CALCRL: variants seen among roughly 807,000 people sequenced by gnomAD.
CALCRL encodes the protein calcitonin gene-related peptide type 1 receptor.
Under a neutral mutation model 60.4 loss-of-function variants are expected in CALCRL, and 27 were observed. The ratio of observed to expected loss-of-function variants is 0.45; its 90% CI spans 0.33 to 0.62. The LOEUF (loss-of-function observed/expected upper bound fraction) is 0.62. Ranked by LOEUF, CALCRL falls within the 20% of genes least tolerant of loss-of-function variation. The pLI is 0.03. For synonymous variants in CALCRL, 190 were observed against 182.6 expected (o/e 1.04, Z -0.33); for missense variants, 424 against 540.7 (o/e 0.78, Z 2.14).
chr2:187,371,004 A>T (rs1401184600), intron 8 of CALCRL, among the ~76,000 whole-genome samples: 1 of 152,174 alleles, frequency 6.6e-6, no homozygotes, highest in Non-Finnish European at 1.5e-5. Context: ...GCATTTTGGG[A>T]GGCCAAGGCG....
At chr2:187,438,762 A>G (rs898475698) in intron 1 of CALCRL, among the ~76,000 whole-genome samples, 3 of 152,206 alleles carry the variant, frequency 2.0e-5, no homozygotes, top group African/African-American at 7.2e-5. Context: ...GTGAAAGGTC[A>G]TTCCTTGGAA....
At chr2:187,411,724 A>G (rs189722007) in intron 1 of CALCRL, among the ~76,000 whole-genome samples, 53 of 151,984 alleles carry the variant, frequency 3.5e-4, no homozygotes, top group African/African-American at 1.3e-3. Flanking sequence ...TAGTAAAAAG[A>G]ATTACATCCT....
At chr2:187,428,535 T>C (rs1690250286) in intron 1 of CALCRL, 1 of 152,242 alleles carries the variant, frequency 6.6e-6, no homozygotes, top group Non-Finnish European at 1.5e-5. Context: ...GACAGTGTGC[T>C]ATAAAATTTT....
intron 1 of CALCRL, among the ~76,000 whole-genome samples, chr2:187,412,253 C>G (rs536152752): frequency 6.6e-6 from 1 of 152,200 alleles, no homozygotes; most frequent in East Asian, 1.9e-4. Flanking sequence ...GTCAGGATAG[C>G]TTGAACGGGT....
chr2:187,407,755 G>A (rs886876903), intron 1 of CALCRL, among the ~76,000 whole-genome samples: 2 of 151,972 alleles, frequency 1.3e-5, no homozygotes, highest in Non-Finnish European at 2.9e-5. Flanking sequence ...TACATATTTA[G>A]GTAACATATT....
intron 12 of CALCRL, among the ~76,000 whole-genome samples, chr2:187,354,361 A>G (rs1686674720): frequency 6.6e-6 from 1 of 151,980 alleles, no homozygotes; most frequent in African/African-American, 2.4e-5. Flanking sequence ...TCACCTAAAT[A>G]TCTGTCACTG....
At chr2:187,365,534 A>T (rs188791845) in intron 8 of CALCRL, among the ~76,000 whole-genome samples, 98 of 152,316 alleles carry the variant, frequency 6.4e-4, no homozygotes, top group Non-Finnish European at 1.0e-3. Context: ...TGCTGAGCAC[A>T]CATATATCTA....
At chr2:187,394,796 T>A (rs1688591074) in intron 1 of CALCRL, among the ~76,000 whole-genome samples, 1 of 152,030 alleles carries the variant, frequency 6.6e-6, no homozygotes, top group African/African-American at 2.4e-5. Context: ...AACATATCTT[T>A]AATGCCAGTT....
chr2:187,359,039 A>G, intron 12 of CALCRL, 24 bp downstream of exon 12: 2 of 1,578,644 alleles, frequency 1.3e-6, no homozygotes, highest in Non-Finnish European at 1.7e-6. Context: ...AGCAATGATA[A>G]GGAAAGGAGA....
intron 1 of CALCRL, among the ~76,000 whole-genome samples, chr2:187,390,258 T>C (rs943815312): frequency 5.3e-5 from 8 of 152,162 alleles, no homozygotes; most frequent in Non-Finnish European, 7.4e-5. Context: ...TAGGGCACTG[T>C]AGTACATATT....
At chr2:187,391,115 G>A (rs1688423210) in intron 1 of CALCRL, among the ~76,000 whole-genome samples, 1 of 152,074 alleles carries the variant, frequency 6.6e-6, no homozygotes, top group Non-Finnish European at 1.5e-5. Context: ...CTCTCATACT[G>A]GGAGATGAAA....
intron 1 of CALCRL, among the ~76,000 whole-genome samples, chr2:187,405,419 G>C (rs1574284199): frequency 6.6e-6 from 1 of 151,904 alleles, no homozygotes; most frequent in East Asian, 1.9e-4. Flanking sequence ...AATTGTCTCT[G>C]TATGCATAAC....
At chr2:187,424,023 G>T (rs2105878798) in intron 1 of CALCRL, among the ~76,000 whole-genome samples, 1 of 152,094 alleles carries the variant, frequency 6.6e-6, no homozygotes, top group Admixed American at 6.6e-5. Context: ...TTAGGTGTTG[G>T]TTACCCAATT....
chr2:187,448,066 G>C lies in CALCRL; in HGVS notation c.-320C>G, dbSNP rs1337556266. The stretch of plus-strand genomic sequence containing the variant: ...AGTCCAGCTCTTAAGGAAATTCTTT[G>C]TGAAATATTCTCAGGATGGAACTTT... On this transcript the variant is annotated 5_prime_UTR_variant, in exon 1 of 15. Transcript: ENST00000392370. 6.6e-6 allele frequency: 1 copy of C among 152,038 alleles called. No homozygotes were observed. The highest frequency in any genetic ancestry group is 2.4e-5 in the African/African-American group (1 of 41,412). The allele number at this position is 152,038 out of a possible 1,614,324, so 9.4% of individuals were successfully genotyped here.
At chr2:187,346,837 C>G (rs1173880636) in intron 14 of CALCRL, among the ~76,000 whole-genome samples, 1 of 107,822 alleles carries the variant, frequency 9.3e-6, no homozygotes, top group Non-Finnish European at 2.2e-5. Context: ...ACGAAGAATA[C>G]AAATCAGCAG....
At chr2:187,386,038 A>C (rs1255438748) in intron 3 of CALCRL, among the ~76,000 whole-genome samples, 1 of 152,106 alleles carries the variant, frequency 6.6e-6, no homozygotes, top group Non-Finnish European at 1.5e-5. Context: ...TTATGGTGTC[A>C]AATGTTTAAG....
At position 187,342,542 on chromosome 2, in the gene CALCRL, C is replaced by A. The variant is rs762016684; in HGVS notation, c.*3642G>T. On this transcript the variant is annotated 3_prime_UTR_variant, in exon 15 of 15. Transcript: ENST00000392370. ...AATAGGCCAAACCTTATTAAACTAG[C>A]AATATTTTTAATCAAGAATATTCTT... Among the ~76,000 whole-genome samples the A allele has an allele frequency of 6.6e-6, 1 of 151,298 alleles. No homozygotes were observed. The highest frequency in any genetic ancestry group is 1.5e-5 in the Non-Finnish European group (1 of 67,548).
chr2:187,430,425 G>T (rs1690349903), intron 1 of CALCRL, among the ~76,000 whole-genome samples: 1 of 152,122 alleles, frequency 6.6e-6, no homozygotes, highest in South Asian at 2.1e-4. Flanking sequence ...ATACATTATT[G>T]AATTGTCAAA....
intron 3 of CALCRL, among the ~76,000 whole-genome samples, chr2:187,387,064 C>A (rs935693604): frequency 6.6e-6 from 1 of 152,142 alleles, no homozygotes. Context: ...CGGACTAATA[C>A]ACTGAACACG....
Sources: gnomAD v4.1 joint callset for allele counts (sites outside exome capture counted in the v4.1 genomes callset) on GRCh38, gnomAD v4.1.1 for gene constraint, MANE v1.5 for transcripts, NCBI Gene and HGNC (gene_info 2026-07-23, HGNC 2026-07-21) for gene names.